The following GREM2 variants were observed in gnomAD, a reference collection of about 807,000 sequenced individuals.
GREM2 encodes gremlin-2.
In GREM2, 11 loss-of-function variants were observed where a neutral mutation model predicts 14.2. The ratio of observed to expected loss-of-function variants is 0.78; its 90% confidence interval spans 0.49 to 1.28. GREM2 has a LOEUF of 1.28. Among genes scored for constraint, GREM2 ranks in the 50% most tolerant of loss-of-function variants. GREM2 has a pLI of 0.00. For missense variants in GREM2, 210 were observed against 218.5 expected (o/e 0.96, Z 0.24); for synonymous variants, 98 against 97.6 (o/e 1.00, Z -0.02).
rs1677208640 is a variant in GREM2 at position 240,489,898 on chromosome 1, T to A, written c.*3071A>T. On this transcript the variant is annotated 3_prime_UTR_variant, in exon 2 of 2. Coordinates refer to ENST00000318160, the MANE Select transcript of GREM2 (RefSeq NM_022469.4). ...CCATTTAATAAACTAAGATGAATTA[T>A]TTCCTAGGAAGTTGAGTTTAATTCC... The A allele has an allele frequency of 6.6e-6, 1 of 152,228 alleles. No individual in the cohort carries two copies. The highest frequency in any genetic ancestry group is 2.1e-4 in the South Asian group (1 of 4,836). The allele number at this position is 152,228 out of a possible 1,614,324, so 9.4% of individuals were successfully genotyped here.
chr1:240,563,378 CTG>C (rs1172972699), intron 1 of GREM2, among the ~76,000 whole-genome samples: 1 of 152,134 alleles, frequency 6.6e-6, no homozygotes, highest in Admixed American at 6.6e-5. Context: ...GGACTTCTCT[CTG>C]TTTGTTACTG....
intron 1 of GREM2, among the ~76,000 whole-genome samples, chr1:240,602,747 A>G (rs11577081): frequency 0.39 from 59,708 of 151,472 alleles, 11,772 homozygotes; most frequent in Middle Eastern, 0.47. Context: ...CCCAGGAGGC[A>G]GAGTTTGCAG....
chr1:240,547,534 T>TAGAC (rs1422706185), intron 1 of GREM2, among the ~76,000 whole-genome samples: 5 of 119,420 alleles, frequency 4.2e-5, no homozygotes, highest in African/African-American at 1.8e-4. Context: ...TATATATATA[T>TAGAC]AGATAGATAG....
chr1:240,504,621 C>T (rs1381416876), intron 1 of GREM2, among the ~76,000 whole-genome samples: 1 of 152,120 alleles, frequency 6.6e-6, no homozygotes, highest in African/African-American at 2.4e-5. Context: ...TCTAGGGCAC[C>T]AAGCAAAGGG....
rs560266744 is a variant in GREM2, at chr1:240,582,712, G to T, written c.-2+29172C>A. Among the ~76,000 whole-genome samples the T allele has an allele frequency of 4.0e-4, 60 of 150,292 alleles. 1 individual carries two copies. Among genetic ancestry groups the T allele is most frequent in the Admixed American group, 2.4e-3 (36 of 15,042 alleles). On this transcript the variant is annotated intron_variant, in intron 1 of 1. Transcript: ENST00000318160. Reference sequence around the variant, plus strand: ...CTTGGGAGGCTGAGGCAGGAAAATCGCTTCAACCCAGGAGGCAGGGGTTGC... The same window carrying T: ...CTTGGGAGGCTGAGGCAGGAAAATCTCTTCAACCCAGGAGGCAGGGGTTGC...
chr1:240,568,763 G>A (rs1310915877), intron 1 of GREM2, among the ~76,000 whole-genome samples: 1 of 152,086 alleles, frequency 6.6e-6, no homozygotes, highest in Non-Finnish European at 1.5e-5. Context: ...TGTCTATGCA[G>A]AAAATCTAAT....
At chr1:240,503,368 T>C (rs1392110042) in intron 1 of GREM2, among the ~76,000 whole-genome samples, 2 of 152,200 alleles carry the variant, frequency 1.3e-5, no homozygotes, top group African/African-American at 4.8e-5. Flanking sequence ...CTGAACATTG[T>C]GTTAGTCTCT....
intron 1 of GREM2, among the ~76,000 whole-genome samples, chr1:240,599,237 C>T (rs1027493274): frequency 2.0e-5 from 3 of 148,254 alleles, no homozygotes; most frequent in Non-Finnish European, 4.4e-5. Flanking sequence ...CACTCCACTT[C>T]AGCCGGGGCA....
At chr1:240,599,848 C>T (rs575348505) in intron 1 of GREM2, among the ~76,000 whole-genome samples, 1 of 152,310 alleles carries the variant, frequency 6.6e-6, no homozygotes, top group Non-Finnish European at 1.5e-5. Flanking sequence ...GGCCTTGGAG[C>T]ATCCAAGCTC....
rs1199239779 is a variant in GREM2, at chr1:240,491,274, C to A, written c.*1695G>T. The A allele has an allele frequency of 3.3e-5, 5 of 152,546 alleles. No individual in the cohort carries two copies. The highest frequency in any genetic ancestry group is 1.2e-4 in the African/African-American group (5 of 41,442). The allele number at this position is 152,546 out of a possible 1,614,324, so 9.4% of individuals were successfully genotyped here. A position where few individuals can be genotyped will look rare whatever the true frequency, so the allele number is the denominator to read the frequency against. On this transcript the variant is annotated 3_prime_UTR_variant, in exon 2 of 2. Transcript: ENST00000318160. ...GAAGCTAAGTCCCCACAGCGGCTTG[C>A]AGAGGGTCTCTCTCACATACTAGGG... is the stretch of plus-strand genomic sequence containing the variant.
chr1:240,562,253 G>C (rs1179504382), intron 1 of GREM2, among the ~76,000 whole-genome samples: 1 of 152,162 alleles, frequency 6.6e-6, no homozygotes, highest in Non-Finnish European at 1.5e-5. Flanking sequence ...AATATAAACA[G>C]ATGGCCCCAG....
At chr1:240,497,081 C>CAG (rs1677439032) in intron 1 of GREM2, among the ~76,000 whole-genome samples, 1 of 151,794 alleles carries the variant, frequency 6.6e-6, no homozygotes, top group African/African-American at 2.4e-5. Flanking sequence ...TTCAACAAGT[C>CAG]TGTAATTAAG....
chr1:240,580,537 G>A (rs73113786), intron 1 of GREM2, among the ~76,000 whole-genome samples: 3,306 of 152,188 alleles, frequency 0.022, 76 homozygotes, highest in African/African-American at 0.057. Flanking sequence ...GCTGGTAGAC[G>A]TTACCTTCTG....
chr1:240,588,444 T>C (rs1397824134), intron 1 of GREM2: 3 of 152,332 alleles, frequency 2.0e-5, no homozygotes, highest in Non-Finnish European at 4.4e-5. Context: ...CTGTGTCTAT[T>C]GCTGCAGAGG....
chr1:240,566,574 T>A (rs1398066211), intron 1 of GREM2, among the ~76,000 whole-genome samples: 2 of 152,174 alleles, frequency 1.3e-5, no homozygotes, highest in Non-Finnish European at 2.9e-5. Flanking sequence ...GGTGCAGTGA[T>A]CTTCAGAAAG....
At chr1:240,522,749 A>G (rs1678129212) in intron 1 of GREM2, among the ~76,000 whole-genome samples, 1 of 152,170 alleles carries the variant, frequency 6.6e-6, no homozygotes, top group African/African-American at 2.4e-5. Context: ...GTGTCACTCT[A>G]TTGTTTGGAG....
Position 240,612,077 on chromosome 1 carries a change from G to C in GREM2, c.-195C>G, listed in dbSNP as rs879106796. ...GCGCGCCGGCTGAGGGTGCAGGAGA[G>C]GCGAGAGCGCGCCCCGCGCCGCGCG... On this transcript the variant is annotated 5_prime_UTR_variant, in exon 1 of 2. Transcript: ENST00000318160. 6.5e-6 allele frequency: 1 copy of C among 152,708 alleles called. No individual in the cohort carries two copies. The highest frequency in any genetic ancestry group is 1.5e-5 in the Non-Finnish European group (1 of 68,122). 9.5% of individuals were successfully genotyped at this position (152,708 alleles called of 1,614,324 possible).
chr1:240,532,205 T>C (rs918166885), intron 1 of GREM2, among the ~76,000 whole-genome samples: 1 of 152,048 alleles, frequency 6.6e-6, no homozygotes, highest in African/African-American at 2.4e-5. Flanking sequence ...TGCCTCAGTC[T>C]CCCGAATAGC....
intron 1 of GREM2, among the ~76,000 whole-genome samples, chr1:240,518,503 A>G (rs935547359): frequency 6.6e-6 from 1 of 152,206 alleles, no homozygotes; most frequent in Non-Finnish European, 1.5e-5. Context: ...AACAGAAAAT[A>G]CATCCTTAGT....
Sources: allele counts gnomAD v4.1 joint callset (sites outside exome capture counted in the v4.1 genomes callset), GRCh38; gene constraint gnomAD v4.1.1; transcripts MANE v1.5; gene names NCBI Gene and HGNC (gene_info 2026-07-23, HGNC 2026-07-21).